The following ITPR1 variants were observed in gnomAD, a reference collection of about 807,000 sequenced individuals.
ITPR1 encodes inositol 1,4,5-trisphosphate-gated calcium channel ITPR1.
ITPR1 carries 96 observed loss-of-function variants against 318.4 expected under a neutral mutation model. That is an observed-to-expected ratio of 0.30 (90% CI 0.26 to 0.36). The LOEUF (loss-of-function observed/expected upper bound fraction) is 0.36, where lower values mean the gene tolerates loss of function less well. Ranked by LOEUF, ITPR1 falls within the 10% of genes least tolerant of loss-of-function variation. ITPR1 has a pLI of 1.00. For missense variants in ITPR1, 2,440 were observed against 3,460.2 expected, an observed-to-expected ratio of 0.71 and a Z score of 7.40; for synonymous variants, 1,312 against 1,289.9, an observed-to-expected ratio of 1.02 and a Z score of -0.37.
intron 4 of ITPR1, among the ~76,000 whole-genome samples, chr3:4,548,573 C>G (rs1354800332): frequency 6.6e-6 from 1 of 152,112 alleles, no homozygotes; most frequent in Non-Finnish European, 1.5e-5. Flanking sequence ...GATGAATGAA[C>G]TCTTTGTCCT....
At chr3:4,692,996 T>A (rs1351823252) in intron 32 of ITPR1, among the ~76,000 whole-genome samples, 1 of 152,134 alleles carries the variant, frequency 6.6e-6, no homozygotes. Context: ...GGTGCATCCC[T>A]GTAATCCCAG....
intron 4 of ITPR1, among the ~76,000 whole-genome samples, chr3:4,606,604 T>A (rs1358571593): frequency 6.6e-6 from 1 of 152,002 alleles, no homozygotes; most frequent in Non-Finnish European, 1.5e-5. Flanking sequence ...GTAAAACACA[T>A]GTTGCAAGGG....
rs1269800790 is a variant in ITPR1 at position 4,521,377 on chromosome 3, A to G, written c.163+283A>G. ...TTACATTTGTACAGGTATTTCTTCA[A>G]ACAAATAGTATTTATGGATCCAGTC... is the stretch of plus-strand genomic sequence containing the variant. On this transcript the variant is annotated intron_variant, in intron 4 of 61. Transcript: ENST00000649015. 2.6e-5 allele frequency among the ~76,000 whole-genome samples: 4 copies of G among 152,150 alleles called. 1 individual carries two copies. Among genetic ancestry groups the G allele is most frequent in the Non-Finnish European group, 5.9e-5 (4 of 68,040 alleles).
chr3:4,732,732 T>C (rs180961011), intron 42 of ITPR1, among the ~76,000 whole-genome samples: 82 of 152,364 alleles, frequency 5.4e-4, no homozygotes, highest in Middle Eastern at 3.4e-3. Flanking sequence ...TATATTGCTA[T>C]GTGGAAGCTG....
chr3:4,792,001 A>G (rs758897070), intron 52 of ITPR1, among the ~76,000 whole-genome samples: 12 of 152,308 alleles, frequency 7.9e-5, no homozygotes, highest in Non-Finnish European at 1.8e-4. Context: ...GCTAATACCA[A>G]CGTGTTGATA....
rs2048543095 is a variant in ITPR1, at chr3:4,806,218, T to C, written c.7223T>C (p.Val2408Ala). The change falls in exon 55 of 62, where the codon GTG becomes GCG. Residue 2408 changes from valine to alanine, a missense_variant. Val to Ala is a moderately conservative substitution (Grantham distance 64). Transcript: ENST00000649015. ...TTCCTCTATCATTTGTTGTATCTGGTGATCTGTGCCATGGGGCTCTTTGTC... is the reference window on the plus strand; with the variant it reads ...TTCCTCTATCATTTGTTGTATCTGGCGATCTGTGCCATGGGGCTCTTTGTC... The part of the protein sequence containing the change: ...VEFLYHLLYL[V>A]ICAMGLFVHE... The C allele has an allele frequency of 6.2e-7, 1 of 1,614,034 alleles. No individual in the cohort carries two copies. Among genetic ancestry groups the C allele is most frequent in the South Asian group, 1.1e-5 (1 of 91,090 alleles).
chr3:4,837,891 A>G (rs924939269), intron 61 of ITPR1, among the ~76,000 whole-genome samples: 2 of 152,106 alleles, frequency 1.3e-5, no homozygotes, highest in Non-Finnish European at 2.9e-5. Flanking sequence ...GAGTTTCTGA[A>G]AGCTCTTTAA....
intron 42 of ITPR1, 40 bp downstream of exon 42, chr3:4,727,213 C>G: frequency 6.8e-7 from 1 of 1,478,786 alleles, no homozygotes; most frequent in South Asian, 1.2e-5. Flanking sequence ...AGCTAATGAT[C>G]AATGACCGTA....
Position 4,815,230 on chromosome 3 carries a change from T to C in ITPR1, c.7867+12T>C. ...GTGCTTTATCTGTGGTGAGTGTCGC[T>C]GGCCAGCTCCAGCAAGGGCGTGAAG... On this transcript the variant is annotated intron_variant, in intron 59 of 61. Transcript: ENST00000649015. 6.2e-7 allele frequency: 1 copy of C among 1,613,384 alleles called. No homozygotes were observed. The highest frequency in any genetic ancestry group is 8.5e-7 in the Non-Finnish European group (1 of 1,179,484).
chr3:4,625,600 A>G (rs1206549143), intron 4 of ITPR1, among the ~76,000 whole-genome samples: 2 of 152,172 alleles, frequency 1.3e-5, no homozygotes, highest in Admixed American at 1.3e-4. Flanking sequence ...TCTGTCGCCC[A>G]GGCTGGAGTG....
chr3:4,702,118 A>C (rs1301623857), intron 35 of ITPR1, among the ~76,000 whole-genome samples: 1 of 122,910 alleles, frequency 8.1e-6, no homozygotes, highest in African/African-American at 2.7e-5. Flanking sequence ...ATAATTTTTT[A>C]ATGTACTCAG....
chr3:4,747,600 C>T (rs1229524326), intron 44 of ITPR1, among the ~76,000 whole-genome samples: 1 of 152,186 alleles, frequency 6.6e-6, no homozygotes, highest in Non-Finnish European at 1.5e-5. Flanking sequence ...AGTGTATTTG[C>T]TTTGTTTATA....
chr3:4,652,292 C>G, intron 11 of ITPR1, 74 bp downstream of exon 11: 1 of 1,063,046 alleles, frequency 9.4e-7, no homozygotes, highest in Non-Finnish European at 1.4e-6. Context: ...CGCCTGTAGC[C>G]GTCGTGTTGT....
rs2042967870 is a variant in ITPR1, at chr3:4,732,114, CT to C, written c.5221-972del. Among the ~76,000 whole-genome samples, 3 of 152,110 alleles carry C rather than the reference CT, an allele frequency of 2.0e-5. No homozygotes were observed. The South Asian group carries it at 6.2e-4, about 32-fold the overall frequency. ...AGATTAGGAGGTGGTCTTGGGGCCC[CT>C]TAGGAGTGCGGGTGAAAGTGTAGAG... On this transcript the variant is annotated intron_variant, in intron 42 of 61. Coordinates refer to ENST00000649015, the MANE Select transcript of ITPR1 (RefSeq NM_001378452.1).
chr3:4,516,473 T>C lies in ITPR1; in HGVS notation c.-16-3T>C. 6.9e-7 allele frequency: 1 copy of C among 1,438,918 alleles called. No individual in the cohort carries two copies. The highest frequency in any genetic ancestry group is 9.5e-7 in the Non-Finnish European group (1 of 1,048,438). The allele number at this position is 1,438,918 out of a possible 1,614,324, so 89.1% of individuals were successfully genotyped here. On this transcript the variant is annotated splice_polypyrimidine_tract_variant and splice_region_variant and intron_variant, in intron 2 of 61. Transcript: ENST00000649015. ...ACAATGCTGCATATTTTACTTTGTCTAGGATTTTCAAGAAAGACATGTCTG... is the reference window on the plus strand; with the variant it reads ...ACAATGCTGCATATTTTACTTTGTCCAGGATTTTCAAGAAAGACATGTCTG...
Position 4,537,120 on chromosome 3 carries a change from C to T in ITPR1, c.163+16026C>T, listed in dbSNP as rs150045737. On this transcript the variant is annotated intron_variant, in intron 4 of 61. Coordinates refer to ENST00000649015, the MANE Select transcript of ITPR1 (RefSeq NM_001378452.1). ...CCTTGGTTTCTTGTCCTGTCCTCTT[C>T]GGGTTTTGATATCAAGGTTATACCA... Among the ~76,000 whole-genome samples the T allele has an allele frequency of 7.2e-3, 1,097 of 152,192 alleles. 4 individuals are homozygous for T. Among genetic ancestry groups the T allele is most frequent in the Middle Eastern group, 0.01 (3 of 294 alleles).
chr3:4,691,378 G>T, intron 32 of ITPR1, 34 bp downstream of exon 32: 1 of 1,431,092 alleles, frequency 7.0e-7, no homozygotes, highest in Non-Finnish European at 9.8e-7. Context: ...ACCTCCATCT[G>T]GTGTTCTGTA....
At chr3:4,701,247 C>T (rs2094646470) in intron 35 of ITPR1, among the ~76,000 whole-genome samples, 1 of 152,178 alleles carries the variant, frequency 6.6e-6, no homozygotes, top group Non-Finnish European at 1.5e-5. Context: ...GGGTTCTCAT[C>T]CCAAATCCAG....
chr3:4,509,387 T>A (rs1370723713), intron 2 of ITPR1, among the ~76,000 whole-genome samples: 2 of 152,226 alleles, frequency 1.3e-5, no homozygotes, highest in East Asian at 3.8e-4. Context: ...GTTAGATATT[T>A]TGTTTCTTGC....
Sources: allele counts gnomAD v4.1 joint callset (sites outside exome capture counted in the v4.1 genomes callset), GRCh38; gene constraint gnomAD v4.1.1; transcripts MANE v1.5; gene names NCBI Gene and HGNC (gene_info 2026-07-23, HGNC 2026-07-21).